The following DLGAP2 variants were observed in gnomAD, a reference collection of about 807,000 sequenced individuals.
DLGAP2 encodes disks large-associated protein 2.
DLGAP2 carries 26 observed loss-of-function variants against 100.3 expected under a neutral mutation model. That is an observed-to-expected ratio of 0.26 (90% CI 0.19 to 0.36). DLGAP2 has a LOEUF of 0.36. Ranked by LOEUF, DLGAP2 falls within the 10% of genes least tolerant of loss-of-function variation. The pLI, the probability that DLGAP2 is intolerant of heterozygous loss-of-function variation, is 1.00. For missense variants in DLGAP2, 1,858 were observed against 1,453.2 expected, an observed-to-expected ratio of 1.28 and a Z score of -4.53; for synonymous variants, 886 against 630.1, an observed-to-expected ratio of 1.41 and a Z score of -6.08.
At chr8:1,540,022 G>A (rs888820216) in intron 4 of DLGAP2, among the ~76,000 whole-genome samples, 1 of 152,174 alleles carries the variant, frequency 6.6e-6, no homozygotes, top group African/African-American at 2.4e-5. Flanking sequence ...CCACCCTTCA[G>A]GACCCAGACA....
intron 4 of DLGAP2, among the ~76,000 whole-genome samples, chr8:1,537,942 G>C (rs1439658135): frequency 6.6e-6 from 1 of 152,202 alleles, no homozygotes; most frequent in Non-Finnish European, 1.5e-5. Flanking sequence ...AAGATGGATG[G>C]AGTGGCCATA....
At chr8:944,814 C>T (rs967087280) in intron 2 of DLGAP2, among the ~76,000 whole-genome samples, 1 of 148,634 alleles carries the variant, frequency 6.7e-6, no homozygotes, top group Non-Finnish European at 1.5e-5. Context: ...ATGGGTGATC[C>T]AGTGGGTGGT....
chr8:1,091,592 A>G lies in DLGAP2; in HGVS notation c.74-167259A>G, dbSNP rs527686292. Among the ~76,000 whole-genome samples the G allele has an allele frequency of 6.8e-4, 104 of 152,302 alleles. 1 individual carries two copies. The highest frequency in any genetic ancestry group is 2.4e-3 in the African/African-American group (99 of 41,562). ...AGCCAAGAGCCCGCAGTGATGCCAT[A>G]TCATTCGGCAGGTCCCTCCGGCTGT... On this transcript the variant is annotated intron_variant, in intron 2 of 14. Transcript: ENST00000637795.
intron 6 of DLGAP2, among the ~76,000 whole-genome samples, chr8:1,595,507 CAA>C (rs555059840): frequency 0.023 from 3,370 of 145,894 alleles, 136 homozygotes; most frequent in African/African-American, 0.081. Flanking sequence ...ACTAAAAATA[CAA>C]AAAAAAAATT....
At chr8:764,017 A>G (rs1821149979) in intron 1 of DLGAP2, among the ~76,000 whole-genome samples, 1 of 152,188 alleles carries the variant, frequency 6.6e-6, no homozygotes, top group African/African-American at 2.4e-5. Flanking sequence ...TTAAGAGTCT[A>G]GTTTGTTCCA....
chr8:1,023,857 ATGTGTGTGTGTGTGTGTG>A (rs149206104), intron 2 of DLGAP2, among the ~76,000 whole-genome samples: 1 of 128,834 alleles, frequency 7.8e-6, no homozygotes, highest in African/African-American at 2.9e-5. Context: ...AACTTTATAT[ATGTGTGTGTGTGTGTGTG>A]TGTGTGTGTG....
chr8:1,450,907 A>G (rs769641372), intron 3 of DLGAP2, among the ~76,000 whole-genome samples: 19 of 152,186 alleles, frequency 1.2e-4, no homozygotes, highest in Non-Finnish European at 2.2e-4. Context: ...TGAATTGCTT[A>G]GTGAAACACT....
At position 1,668,320 on chromosome 8, in the gene DLGAP2, T is replaced by G. The variant is rs1435363591; in HGVS notation, c.1811-9T>G. 3.4e-6 allele frequency: 5 copies of G among 1,472,666 alleles called. No individual in the cohort carries two copies. The highest frequency in any genetic ancestry group is 2.6e-5 in the Admixed American group (1 of 37,782). 91.2% of individuals were successfully genotyped at this position (1,472,666 alleles called of 1,614,324 possible). ...ACGCCTGTTGACTTGGGACTTTCTT[T>G]TCTTACAGCTGTCTCATATACAAAT... On this transcript the variant is annotated splice_polypyrimidine_tract_variant and intron_variant, in intron 8 of 14. Transcript: ENST00000637795.
chr8:1,174,866 AAGTG>A (rs1323372181), intron 2 of DLGAP2, among the ~76,000 whole-genome samples: 1 of 152,158 alleles, frequency 6.6e-6, no homozygotes, highest in Non-Finnish European at 1.5e-5. Context: ...ACAAAATCCT[AAGTG>A]AGTGAGGGAA....
chr8:1,254,161 C>G (rs1424129990), intron 2 of DLGAP2, among the ~76,000 whole-genome samples: 2 of 152,160 alleles, frequency 1.3e-5, no homozygotes, highest in African/African-American at 4.8e-5. Context: ...GGTCACAGAT[C>G]CCACCCTTGC....
intron 2 of DLGAP2, among the ~76,000 whole-genome samples, chr8:1,117,563 A>G (rs1181261125): frequency 6.6e-6 from 1 of 152,178 alleles, no homozygotes; most frequent in Non-Finnish European, 1.5e-5. Flanking sequence ...CAGAGAGAAG[A>G]AACAGGCTCA....
chr8:1,451,165 G>A (rs1798148796), intron 3 of DLGAP2, among the ~76,000 whole-genome samples: 2 of 152,088 alleles, frequency 1.3e-5, no homozygotes. Flanking sequence ...TTCCGCCGCT[G>A]CCAGTGCTGC....
rs577628172 is a variant in DLGAP2, at chr8:919,756, C to T, written c.73+11790C>T. On this transcript the variant is annotated intron_variant, in intron 2 of 14. Coordinates refer to ENST00000637795, the MANE Select transcript of DLGAP2 (RefSeq NM_001346810.2). ...CTGGGCCGTGCTCGCCACCACCCGC[C>T]TCTCTTTCCTCTGCAGGACACAGAA... Among the ~76,000 whole-genome samples the T allele has an allele frequency of 2.0e-5, 3 of 152,288 alleles. No individual in the cohort carries two copies. In the East Asian group the frequency reaches 5.8e-4, roughly 29 times the overall value.
chr8:989,604 T>A (rs11784100), intron 2 of DLGAP2, among the ~76,000 whole-genome samples: 1 of 151,732 alleles, frequency 6.6e-6, no homozygotes, highest in Non-Finnish European at 1.5e-5. Context: ...GGCTCTTAAC[T>A]GTGTTGAAAG....
At position 816,936 on chromosome 8, in the gene DLGAP2, C is replaced by T. The variant is rs748670126; in HGVS notation, c.18+79111C>T. ...TGAGTGGATCACAAGGTCAGGAGAT[C>T]GAGACTATCCTGACTAACACGGTGA... On this transcript the variant is annotated intron_variant, in intron 1 of 14. Coordinates refer to ENST00000637795, the MANE Select transcript of DLGAP2 (RefSeq NM_001346810.2). Among the ~76,000 whole-genome samples, 7 of 152,100 alleles carry T rather than the reference C, an allele frequency of 4.6e-5. No individual in the cohort carries two copies. In the East Asian group the frequency reaches 5.8e-4, roughly 13 times the overall value.
chr8:982,816 C>T (rs1307140056), intron 2 of DLGAP2, among the ~76,000 whole-genome samples: 1 of 151,436 alleles, frequency 6.6e-6, no homozygotes, highest in Non-Finnish European at 1.5e-5. Flanking sequence ...TTTATACTGC[C>T]TGGTAGTTTA....
chr8:1,389,500 C>T (rs778155312), intron 3 of DLGAP2, among the ~76,000 whole-genome samples: 4 of 152,150 alleles, frequency 2.6e-5, no homozygotes, highest in Non-Finnish European at 5.9e-5. Context: ...GCTAAGGGCA[C>T]TCAGAGCTGG....
chr8:1,319,503 G>C (rs1397651402), intron 3 of DLGAP2, among the ~76,000 whole-genome samples: 1 of 152,178 alleles, frequency 6.6e-6, no homozygotes, highest in Non-Finnish European at 1.5e-5. Flanking sequence ...AGCTGACGTG[G>C]AGCCAACAGA....
chr8:1,437,449 G>A (rs1349941725), intron 3 of DLGAP2, among the ~76,000 whole-genome samples: 2 of 152,204 alleles, frequency 1.3e-5, no homozygotes, highest in African/African-American at 2.4e-5. Context: ...GGTTTGTAGC[G>A]TAAGACGATG....
Sources: allele counts gnomAD v4.1 joint callset (sites outside exome capture counted in the v4.1 genomes callset), GRCh38; gene constraint gnomAD v4.1.1; transcripts MANE v1.5; gene names NCBI Gene and HGNC (gene_info 2026-07-23, HGNC 2026-07-21).